Variants in HOOK2 observed in about 807,000 individuals in gnomAD.
HOOK2 encodes the protein hook microtubule tethering protein 2.
A neutral mutation model predicts 111.9 loss-of-function variants in HOOK2; 108 were observed. The observed-to-expected ratio is 0.96, with a 90% CI of 0.83 to 1.13. HOOK2 has a LOEUF of 1.13. Ranked by LOEUF, HOOK2 falls within the 50% of genes most tolerant of loss-of-function variation. The pLI is 0.00. For synonymous variants in HOOK2, 405 were observed against 394.3 expected, an observed-to-expected ratio of 1.03 and a Z score of -0.32; for missense variants, 978 against 951.3, an observed-to-expected ratio of 1.03 and a Z score of -0.37.
At chr19:12,783,644 C>G (rs1012912935) in intron 3 of HOOK2, among the ~76,000 whole-genome samples, 2 of 152,060 alleles carry the variant, frequency 1.3e-5, no homozygotes, top group Non-Finnish European at 2.9e-5. Context: ...TGTCTCTGCC[C>G]TCATTGCTGC....
chr19:12,785,658 G>A (rs1968648582), intron 3 of HOOK2, among the ~76,000 whole-genome samples: 1 of 152,132 alleles, frequency 6.6e-6, no homozygotes, highest in Non-Finnish European at 1.5e-5. Context: ...GCACAGAAGC[G>A]GGCAGAGGGC....
chr19:12,776,452 C>T (rs140969679), upstream of HOOK2, among the ~76,000 whole-genome samples: 2,680 of 151,328 alleles, frequency 0.018, 84 homozygotes, highest in African/African-American at 0.062. Flanking sequence ...GAGGCCGAGG[C>T]GGGCGGATCA....
rs1215954843 is a variant in HOOK2 at position 12,791,926 on chromosome 19, C to G, written n.42-17701G>C. The G allele has an allele frequency of 6.2e-7, 1 of 1,612,892 alleles. No individual in the cohort carries two copies. The highest frequency in any genetic ancestry group is 8.5e-7 in the Non-Finnish European group (1 of 1,179,796). On this transcript the variant is annotated intron_variant and non_coding_transcript_variant, in intron 3 of 3. Coordinates refer to the HOOK2 transcript ENST00000589765. The surrounding 1 kb of genome is among the most constrained non-coding windows in gnomAD (Gnocchi z 7.0). ...GCCGACCCCTACCGGAGTCTCAAAG[C>G]GCCTGGGGCTCGCGGACCCGGCCCA...
Position 12,771,183 on chromosome 19 carries a change from TC to T in HOOK2, c.736del (p.Glu246SerfsTer38), listed in dbSNP as rs772317784. On this transcript the variant is annotated frameshift_variant, in exon 9 of 23. Coordinates refer to ENST00000397668, the MANE Select transcript of HOOK2 (RefSeq NM_013312.3). LOFTEE classifies it high-confidence loss of function. ...CCTGAAGTTCTCCTCCTGCAACTGC[TC>T]CAGCTGGGATTGCAGCAGCAGCAGC... is the stretch of plus-strand genomic sequence containing the variant. Reference protein sequence around the residue: ...KKLLLLQSQLEQLQEENFRLE... With the variant: ...KKLLLLQSQLXQLQEENFRLE... The T allele has an allele frequency of 6.2e-7, 1 of 1,613,430 alleles. No individual in the cohort carries two copies. Among genetic ancestry groups the T allele is most frequent in the East Asian group, 2.2e-5 (1 of 44,858 alleles).
chr19:12,771,108 G>A (rs749906668), intron 9 of HOOK2, 36 bp from the exon 10 acceptor site: 6 of 1,611,062 alleles, frequency 3.7e-6, no homozygotes, highest in Non-Finnish European at 5.1e-6. Flanking sequence ...TGAGGGGGCT[G>A]CCCTCCCCCG....
upstream of HOOK2, among the ~76,000 whole-genome samples, chr19:12,778,124 A>AC (rs1568377351): frequency 6.7e-6 from 1 of 148,372 alleles, no homozygotes; most frequent in Non-Finnish European, 1.5e-5. Context: ...ATTAGAGGTT[A>AC]TTAGCTGTAC....
At chr19:12,789,571 G>A (rs1460084198) in intron 3 of HOOK2, among the ~76,000 whole-genome samples, 2 of 152,056 alleles carry the variant, frequency 1.3e-5, no homozygotes, top group Non-Finnish European at 1.5e-5. Context: ...TCTCCTGGCA[G>A]AAGGGAAGGG....
chr19:12,767,586 G>T, intron 13 of HOOK2, 122 bp from the exon 14 acceptor site: 3 of 949,840 alleles, frequency 3.2e-6, no homozygotes, highest in Non-Finnish European at 4.9e-6. Flanking sequence ...CTTGACACAA[G>T]CTCCATCCCC....
At chr19:12,775,684 C>T, upstream of HOOK2, 2 of 391,680 alleles carry the variant, frequency 5.1e-6, no homozygotes, top group Non-Finnish European at 8.7e-6. Flanking sequence ...ATCCGGGCAC[C>T]GTTCGGGCGC....
intron 6 of HOOK2, 140 bp downstream of exon 6, chr19:12,772,473 T>C: frequency 2.9e-6 from 3 of 1,033,894 alleles, no homozygotes; most frequent in East Asian, 4.8e-5. Flanking sequence ...GGCAGACACA[T>C]GAGACAGAGA....
In HOOK2 at chr19:12,786,375, C is replaced by G. The variant is rs971524287; in HGVS notation, n.42-12150G>C. On this transcript the variant is annotated intron_variant and non_coding_transcript_variant, in intron 3 of 3. Coordinates refer to the HOOK2 transcript ENST00000589765. This position sits in a 1 kb window ranked among gnomAD's most constrained non-coding sequence, Gnocchi z 4.3. ...TGGGGCCAGCAGGGAGGGGGGTCAC[C>G]GGGCTATTTATAAGAAGGAGAAGTC... Among the ~76,000 whole-genome samples the G allele has an allele frequency of 6.6e-6, 1 of 152,074 alleles. No homozygotes were observed. The highest frequency in any genetic ancestry group is 1.5e-5 in the Non-Finnish European group (1 of 67,956).
chr19:12,767,250 A>G lies in HOOK2; in HGVS notation c.1373+145T>C, dbSNP rs1180346875. 15 of 656,964 alleles carry G rather than the reference A, an allele frequency of 2.3e-5. No individual in the cohort carries two copies. In the Admixed American group the frequency reaches 2.3e-4, roughly 10 times the overall value. 40.7% of individuals were successfully genotyped at this position (656,964 alleles called of 1,614,324 possible). A position where few individuals can be genotyped will look rare whatever the true frequency, so the allele number is the denominator to read the frequency against. On this transcript the variant is annotated intron_variant, in intron 14 of 22. Coordinates refer to ENST00000397668, the MANE Select transcript of HOOK2 (RefSeq NM_013312.3). Reference sequence around the variant, plus strand: ...TAGGGCTGGACAGAGCCAAATCAGGAGTAAGTGGGCCTAGGAGCCCGGCTG... The same window carrying G: ...TAGGGCTGGACAGAGCCAAATCAGGGGTAAGTGGGCCTAGGAGCCCGGCTG...
intron 18 of HOOK2, chr19:12,765,465 A>C: frequency 1.6e-6 from 1 of 617,260 alleles, no homozygotes; most frequent in Non-Finnish European, 2.9e-6. Flanking sequence ...AAAAGAAAGC[A>C]GGCCAGGCGC....
At position 12,763,710 on chromosome 19, in the gene HOOK2, C is replaced by G. The variant is rs770971219; in HGVS notation, c.1896G>C (p.Arg632Ser). 1 of 1,614,234 alleles carries G rather than the reference C, an allele frequency of 6.2e-7. No individual in the cohort carries two copies. Among genetic ancestry groups the G allele is most frequent in the South Asian group, 1.1e-5 (1 of 91,090 alleles). ...AGAPPELHSL[R>S]TQLRERDVRI... ...GGACATCCCGTTCTCGGAGCTGTGT[C>G]CTCAGGGAATGGAGTTCTGGAGGTG... Residue 632 changes from arginine (R) to serine (S), a missense_variant, in exon 21 of 23, where the codon AGG (arginine) becomes AGC (serine). Arg to Ser is a moderately radical substitution (Grantham distance 110). Coordinates refer to ENST00000397668, the MANE Select transcript of HOOK2 (RefSeq NM_013312.3).
Position 12,763,171 on chromosome 19 carries a change from A to T in HOOK2, c.*111T>A. On this transcript the variant is annotated 3_prime_UTR_variant, in exon 23 of 23. Transcript: ENST00000397668. ...CAATCTGGGAGAGGGAAGAGCAGAG[A>T]TCATGGCCTCAAAGCTCTCGAGCAC... is the stretch of plus-strand genomic sequence containing the variant. The T allele has an allele frequency of 1.1e-6, 1 of 945,104 alleles. No individual in the cohort carries two copies. The highest frequency in any genetic ancestry group is 1.6e-6 in the Non-Finnish European group (1 of 641,226). The allele number at this position is 945,104 out of a possible 1,614,324, so 58.5% of individuals were successfully genotyped here. A position where few individuals can be genotyped will look rare whatever the true frequency, so the allele number is the denominator to read the frequency against.
chr19:12,780,550 G>A (rs1323240913), upstream of HOOK2, among the ~76,000 whole-genome samples: 1 of 148,058 alleles, frequency 6.8e-6, no homozygotes, highest in Admixed American at 6.7e-5. Flanking sequence ...TAGAGACGAG[G>A]TTTCACCGTG....
At chr19:12,770,188 T>C (rs1314070940) in intron 10 of HOOK2, 106 bp from the exon 11 acceptor site, 2 of 1,041,076 alleles carry the variant, frequency 1.9e-6, no homozygotes, top group Non-Finnish European at 2.6e-6. Flanking sequence ...CTGAGGCTTT[T>C]GGGTTCAAGG....
chr19:12,779,919 GCAGA>G (rs1292187492), upstream of HOOK2, among the ~76,000 whole-genome samples: 1 of 152,136 alleles, frequency 6.6e-6, no homozygotes, highest in African/African-American at 2.4e-5. Flanking sequence ...GGAGGTCAAG[GCAGA>G]CAGATCACTT....
At position 12,791,004 on chromosome 19, in the gene HOOK2, TCTCCTTAACC is replaced by T. The variant is rs1968706434; in HGVS notation, n.42-16789_42-16780del. On this transcript the variant is annotated intron_variant and non_coding_transcript_variant, in intron 3 of 3. Transcript: ENST00000589765. This position sits in a 1 kb window ranked among gnomAD's most constrained non-coding sequence, Gnocchi z 7.0. ...CCCCAGTCAATTCCTGGGTCAGGTGTCTCCTTAACCCTCCCGATTTACAGTGCTTAACCCT... is the reference window on the plus strand; with the variant it reads ...CCCCAGTCAATTCCTGGGTCAGGTGTCTCCCGATTTACAGTGCTTAACCCT... Among the ~76,000 whole-genome samples, 1 of 152,122 alleles carries T rather than the reference TCTCCTTAACC, an allele frequency of 6.6e-6. No individual in the cohort carries two copies. The highest frequency in any genetic ancestry group is 2.1e-4 in the South Asian group (1 of 4,830).
Sources: gnomAD v4.1 joint callset for allele counts (sites outside exome capture counted in the v4.1 genomes callset) on GRCh38, gnomAD v4.1.1 for gene constraint, Gnocchi (gnomAD v3.1) non-coding constraint, MANE v1.5 for transcripts, NCBI Gene and HGNC (gene_info 2026-07-23, HGNC 2026-07-21) for gene names.